Variants in KCNK10 observed in about 807,000 individuals in gnomAD.
KCNK10 encodes potassium two pore domain channel subfamily K member 10.
KCNK10 carries 25 observed loss-of-function variants against 47.7 expected under a neutral mutation model. The observed-to-expected ratio is 0.52, with a 90% CI of 0.38 to 0.73. The LOEUF (loss-of-function observed/expected upper bound fraction) is 0.73. KCNK10 is among the 30% of genes least tolerant of loss of function. The pLI, the probability that KCNK10 is intolerant of heterozygous loss-of-function variation, is 0.00. For missense variants in KCNK10, 563 were observed against 714.5 expected, an observed-to-expected ratio of 0.79 and a Z score of 2.42; for synonymous variants, 303 against 285.6, an observed-to-expected ratio of 1.06 and a Z score of -0.61.
Position 88,319,075 on chromosome 14 carries a change from T to C in KCNK10, c.52+3672A>G, listed in dbSNP as rs940652438. Among the ~76,000 whole-genome samples, 13 of 152,204 alleles carry C rather than the reference T, an allele frequency of 8.5e-5. 1 individual carries two copies. Among genetic ancestry groups the C allele is most frequent in the Admixed American group, 6.5e-4 (10 of 15,274 alleles). ...AAGCTAAGACTTAGAACCAATCTAC[T>C]TGTGGTAGGTCCTACACAAACAGTA... On this transcript the variant is annotated intron_variant, in intron 1 of 6. Coordinates refer to ENST00000319231, the MANE Select transcript of KCNK10 (RefSeq NM_138317.3).
intron 2 of KCNK10, among the ~76,000 whole-genome samples, chr14:88,259,975 C>A (rs1456182132): frequency 6.6e-6 from 1 of 152,104 alleles, no homozygotes; most frequent in Non-Finnish European, 1.5e-5. Flanking sequence ...GAGAGTCATG[C>A]TCTGATGCCT....
In KCNK10 at chr14:88,263,277, G is replaced by C; in HGVS notation, c.327C>G (p.Thr109=). The C allele has an allele frequency of 6.2e-7, 1 of 1,614,180 alleles. No homozygotes were observed. Among genetic ancestry groups the C allele is most frequent in the Non-Finnish European group, 8.5e-7 (1 of 1,180,050 alleles). ...GGAATTCCGCCTTCTCCAAGGCGAT[G>C]GTATTCTTCTGGCTGCTCTCAAAGG... ...EQPFESSQKN[T]IALEKAEFLR... Residue 109 remains threonine, a synonymous_variant, in exon 2 of 7, where the codon ACC becomes ACG. Transcript: ENST00000319231.
At chr14:88,239,685 C>T (rs1045361205) in intron 3 of KCNK10, among the ~76,000 whole-genome samples, 50 of 152,006 alleles carry the variant, frequency 3.3e-4, no homozygotes, top group African/African-American at 1.2e-3. Context: ...GTGGTGAAAC[C>T]CCATCTCTAC....
At chr14:88,217,956 C>T (rs1283714609) in intron 4 of KCNK10, among the ~76,000 whole-genome samples, 1 of 152,120 alleles carries the variant, frequency 6.6e-6, no homozygotes, top group African/African-American at 2.4e-5. Flanking sequence ...CTGCTGACCT[C>T]AAGTGATCTG....
chr14:88,237,170 G>A (rs937080841), intron 3 of KCNK10, among the ~76,000 whole-genome samples: 1 of 152,178 alleles, frequency 6.6e-6, no homozygotes, highest in Admixed American at 6.5e-5. Flanking sequence ...TACCAGGCAG[G>A]AGCAGATTCC....
intron 3 of KCNK10, among the ~76,000 whole-genome samples, chr14:88,228,192 G>A (rs11159848): frequency 0.29 from 43,900 of 151,950 alleles, 7,000 homozygotes; most frequent in East Asian, 0.47. Flanking sequence ...CTACCTCTCC[G>A]CCCAACTACC....
chr14:88,280,229 A>T (rs1422691497), intron 1 of KCNK10, among the ~76,000 whole-genome samples: 2 of 152,108 alleles, frequency 1.3e-5, no homozygotes, highest in Non-Finnish European at 2.9e-5. Context: ...CCTCTCAGCA[A>T]TATTCTGCAC....
chr14:88,186,185 GC>G lies in KCNK10; in HGVS notation c.1012-31del. 1 of 1,542,716 alleles carries G rather than the reference GC, an allele frequency of 6.5e-7. No individual in the cohort carries two copies. The highest frequency in any genetic ancestry group is 8.7e-7 in the Non-Finnish European group (1 of 1,143,990). On this transcript the variant is annotated intron_variant, in intron 6 of 6. Coordinates refer to ENST00000319231, the MANE Select transcript of KCNK10 (RefSeq NM_138317.3). The surrounding 1 kb of genome is among the most constrained non-coding windows in gnomAD (Gnocchi z 5.5). The stretch of plus-strand genomic sequence containing the variant: ...CCAAGAGACAGAAGAGCAACAATAT[GC>G]TGACAAATGCCTCCCTGCCTTGGCC...
intron 1 of KCNK10, among the ~76,000 whole-genome samples, chr14:88,305,445 C>T (rs112778418): frequency 0.012 from 1,758 of 152,240 alleles, 43 homozygotes; most frequent in African/African-American, 0.041. Context: ...CATCAAGCTT[C>T]ACCCTCTCTT....
intron 1 of KCNK10, among the ~76,000 whole-genome samples, chr14:88,266,223 A>G (rs951092449): frequency 1.1e-4 from 17 of 152,238 alleles, no homozygotes; most frequent in African/African-American, 3.4e-4. Context: ...TCCAAACCAC[A>G]CAGACAACGT....
chr14:88,295,585 G>C (rs1887968864), intron 1 of KCNK10, among the ~76,000 whole-genome samples: 1 of 152,124 alleles, frequency 6.6e-6, no homozygotes, highest in Non-Finnish European at 1.5e-5. Context: ...GCTTGAACCA[G>C]GGAGGCAGAG....
intron 2 of KCNK10, among the ~76,000 whole-genome samples, chr14:88,249,022 T>C (rs1332983462): frequency 6.6e-6 from 1 of 152,250 alleles, no homozygotes. Flanking sequence ...CTTTTAACTC[T>C]AGCCTTCTAT....
intron 2 of KCNK10, among the ~76,000 whole-genome samples, chr14:88,248,769 G>A (rs1265053211): frequency 6.6e-6 from 1 of 151,682 alleles, no homozygotes; most frequent in Non-Finnish European, 1.5e-5. Context: ...ATCATTTTCT[G>A]TGCCTCCTTA....
At chr14:88,211,244 G>C (rs1238530948) in intron 4 of KCNK10, among the ~76,000 whole-genome samples, 1 of 152,200 alleles carries the variant, frequency 6.6e-6, no homozygotes, top group Non-Finnish European at 1.5e-5. Flanking sequence ...AAGTGAAATA[G>C]GCCAGACACA....
intron 4 of KCNK10, among the ~76,000 whole-genome samples, chr14:88,216,051 G>C (rs1334314502): frequency 6.6e-6 from 1 of 152,144 alleles, no homozygotes; most frequent in African/African-American, 2.4e-5. Flanking sequence ...GAGATGGTTT[G>C]CCTAGTGAAG....
At chr14:88,235,270 C>T (rs758407968) in intron 3 of KCNK10, 21 of 456,322 alleles carry the variant, frequency 4.6e-5, no homozygotes, top group Middle Eastern at 3.2e-4. Flanking sequence ...CAGGAATATC[C>T]AGTTTGCCTG....
chr14:88,261,454 C>T (rs1332443709), intron 2 of KCNK10, among the ~76,000 whole-genome samples: 1 of 152,084 alleles, frequency 6.6e-6, no homozygotes, highest in African/African-American at 2.4e-5. Context: ...TAGCATTTTC[C>T]CATGAAAGAA....
At chr14:88,275,693 C>CAAAAAAAAAAAAA in intron 1 of KCNK10, among the ~76,000 whole-genome samples, 1 of 72,024 alleles carries the variant, frequency 1.4e-5, no homozygotes, top group Non-Finnish European at 2.6e-5. Flanking sequence ...GCTAAAAATA[C>CAAAAAAAAAAAAA]AAAAAAAAAA....
chr14:88,267,532 G>A (rs1316813487), intron 1 of KCNK10, among the ~76,000 whole-genome samples: 17 of 151,792 alleles, frequency 1.1e-4, no homozygotes, highest in Admixed American at 5.2e-4. Context: ...CACCATGCCC[G>A]GCTGATTTTT....
Sources: gnomAD v4.1 joint callset for allele counts (sites outside exome capture counted in the v4.1 genomes callset) on GRCh38, gnomAD v4.1.1 for gene constraint, Gnocchi (gnomAD v3.1) non-coding constraint, MANE v1.5 for transcripts, NCBI Gene and HGNC (gene_info 2026-07-23, HGNC 2026-07-21) for gene names.